The following GNAL variants were observed in gnomAD, a reference collection of about 807,000 sequenced individuals.
GNAL encodes G protein subunit alpha L.
Under a neutral mutation model 55.1 loss-of-function variants are expected in GNAL, and 18 were observed. The ratio of observed to expected loss-of-function variants is 0.33; its 90% CI spans 0.23 to 0.48. GNAL has a LOEUF of 0.48. Among genes scored for constraint, GNAL ranks in the 20% least tolerant of loss-of-function variants. GNAL has a pLI of 0.99. For synonymous variants in GNAL, 253 were observed against 237.0 expected, an observed-to-expected ratio of 1.07 and a Z score of -0.62; for missense variants, 412 against 614.1, an observed-to-expected ratio of 0.67 and a Z score of 3.48.
intron 4 of GNAL, among the ~76,000 whole-genome samples, chr18:11,768,800 A>G (rs1301138646): frequency 2.0e-5 from 3 of 147,694 alleles, no homozygotes; most frequent in African/African-American, 7.5e-5. Context: ...AGGCTGAGGC[A>G]GGAGAATGGT....
chr18:11,716,200 G>A (rs374500336), intron 1 of GNAL, among the ~76,000 whole-genome samples: 2 of 152,302 alleles, frequency 1.3e-5, no homozygotes, highest in South Asian at 2.1e-4. Flanking sequence ...GAATTGGTGG[G>A]TTCTTGGTCT....
At chr18:11,753,579 A>G in intron 2 of GNAL, 49 bp from the exon 3 acceptor site, 1 of 1,133,488 alleles carries the variant, frequency 8.8e-7, no homozygotes, top group Non-Finnish European at 1.3e-6. Flanking sequence ...ATTGATTGGA[A>G]TCAGTGCTAA....
At chr18:11,809,343 G>A (rs1390066894) in intron 4 of GNAL, among the ~76,000 whole-genome samples, 2 of 152,050 alleles carry the variant, frequency 1.3e-5, no homozygotes, top group Non-Finnish European at 2.9e-5. Flanking sequence ...GCTTTTCTTG[G>A]TGATAAAAAT....
intron 4 of GNAL, 146 bp downstream of exon 4, chr18:11,754,091 T>C (rs1158870300): frequency 1.9e-5 from 13 of 674,536 alleles, no homozygotes; most frequent in Middle Eastern, 3.0e-4. Context: ...GGAATACTTA[T>C]TCTGTACCAA....
In GNAL at chr18:11,845,221, C is replaced by T. The variant is rs150594691; in HGVS notation, c.723-17174C>T. On this transcript the variant is annotated intron_variant, in intron 5 of 11. Coordinates refer to ENST00000334049, the MANE Select transcript of GNAL (RefSeq NM_182978.4). ...ATGTTCAGGTTAAACATAAAAATTA[C>T]GTAAGAACAACTGGCTTCCATATTC... Among the ~76,000 whole-genome samples the T allele has an allele frequency of 3.5e-3, 527 of 152,262 alleles. 5 individuals are homozygous for T. Among genetic ancestry groups the T allele is most frequent in the African/African-American group, 0.012 (492 of 41,544 alleles).
chr18:11,872,347 A>C lies in GNAL; in HGVS notation c.1111A>C (p.Lys371Gln). 6.4e-7 allele frequency: 1 copy of C among 1,569,808 alleles called. No homozygotes were observed. Reference sequence around the variant, plus strand: ...AGAAAAAGTCTTGGCAGGGAAATCAAAAATTGAAGACTATTTCCCAGAATA... The same window carrying C: ...AGAAAAAGTCTTGGCAGGGAAATCACAAATTGAAGACTATTTCCCAGAATA... ...LAEKVLAGKS[K>Q]IEDYFPEYAN... Residue 371 changes from lysine to glutamine, a missense_variant, in exon 10 of 12, where the codon AAA (lysine) becomes CAA (glutamine). Coordinates refer to ENST00000334049, the MANE Select transcript of GNAL (RefSeq NM_182978.4).
chr18:11,817,420 C>T (rs2034983398), intron 4 of GNAL, among the ~76,000 whole-genome samples: 1 of 152,178 alleles, frequency 6.6e-6, no homozygotes. Context: ...AGACCTTATA[C>T]CTAGGCTCTC....
chr18:11,763,050 T>C (rs1479705256), intron 4 of GNAL, among the ~76,000 whole-genome samples: 3 of 152,256 alleles, frequency 2.0e-5, no homozygotes, highest in Non-Finnish European at 4.4e-5. Flanking sequence ...TCAATAAAGA[T>C]ACTTTTCTTA....
In GNAL at chr18:11,753,865, C is replaced by G; in HGVS notation, c.544C>G (p.Pro182Ala). The part of the protein sequence containing the change: ...SAMSTIIPPV[P>A]LANPENQFRS... The stretch of plus-strand genomic sequence containing the variant: ...AATGAGTACTATAATACCTCCAGTT[C>G]CGCTGGCCAACCCTGAAAACCAATT... The change falls in exon 4 of 12, where the codon CCG becomes GCG. Residue 182 changes from proline (P) to alanine (A), a missense_variant. Physicochemically the swap from Pro to Ala is conservative, Grantham distance 27 (BLOSUM62 -1). Coordinates refer to ENST00000334049, the MANE Select transcript of GNAL (RefSeq NM_182978.4). 6.2e-7 allele frequency: 1 copy of G among 1,608,834 alleles called. No homozygotes were observed. Among genetic ancestry groups the G allele is most frequent in the Non-Finnish European group, 8.5e-7 (1 of 1,175,218 alleles).
chr18:11,734,433 G>A lies in GNAL; in HGVS notation c.377-18420G>A, dbSNP rs113462548. ...TGGGATTACAGGCGTGACCCACCGCGCCGGGTGTAGATTTTCTTTACAGGA... is the reference window on the plus strand; with the variant it reads ...TGGGATTACAGGCGTGACCCACCGCACCGGGTGTAGATTTTCTTTACAGGA... On this transcript the variant is annotated intron_variant, in intron 1 of 11. Transcript: ENST00000334049. Among the ~76,000 whole-genome samples the A allele has an allele frequency of 4.6e-5, 7 of 152,090 alleles. 1 individual carries two copies. The highest frequency in any genetic ancestry group is 1.7e-4 in the African/African-American group (7 of 41,488).
Position 11,788,903 on chromosome 18 carries a change from A to AT in GNAL, c.624+34958_624+34959insT, listed in dbSNP as rs1222772064. Reference sequence around the variant, plus strand: ...CAGAGCAAGACTCCGTCTCGAAAAAAAAAAAAAAAAAATATATATATATAT... The same window carrying AT: ...CAGAGCAAGACTCCGTCTCGAAAAAATAAAAAAAAAAAATATATATATATAT... On this transcript the variant is annotated intron_variant, in intron 4 of 11. Coordinates refer to ENST00000334049, the MANE Select transcript of GNAL (RefSeq NM_182978.4). Among the ~76,000 whole-genome samples, 13 of 88,852 alleles carry AT rather than the reference A, an allele frequency of 1.5e-4. 1 individual carries two copies. Among genetic ancestry groups the AT allele is most frequent in the South Asian group, 4.3e-4 (1 of 2,300 alleles). The allele number at this position is 88,852 out of a possible 152,430, so 58.3% of individuals were successfully genotyped here. A position where few individuals can be genotyped will look rare whatever the true frequency, so the allele number is the denominator to read the frequency against.
intron 1 of GNAL, among the ~76,000 whole-genome samples, chr18:11,726,243 T>G (rs1398002456): frequency 6.6e-6 from 1 of 152,236 alleles, no homozygotes; most frequent in Non-Finnish European, 1.5e-5. Context: ...ACATTCCTTT[T>G]CTGACTAAAT....
intron 1 of GNAL, among the ~76,000 whole-genome samples, chr18:11,711,512 T>C (rs1275250272): frequency 6.6e-6 from 1 of 152,226 alleles, no homozygotes; most frequent in African/African-American, 2.4e-5. Context: ...GTAGTGATTA[T>C]TTTCAGTTCA....
At chr18:11,692,934 A>C (rs2031299294) in intron 1 of GNAL, among the ~76,000 whole-genome samples, 1 of 152,160 alleles carries the variant, frequency 6.6e-6, no homozygotes, top group Non-Finnish European at 1.5e-5. Context: ...GGCATGAGCC[A>C]CCATGCTCTA....
At chr18:11,869,337 G>C (rs2036340157) in intron 9 of GNAL, among the ~76,000 whole-genome samples, 1 of 151,924 alleles carries the variant, frequency 6.6e-6, no homozygotes, top group African/African-American at 2.4e-5. Context: ...TAGAGACCGG[G>C]TTTCACCATG....
chr18:11,869,770 ATGGTGGGGCGCGCT>A (rs2143875273), intron 9 of GNAL, among the ~76,000 whole-genome samples: 1 of 151,994 alleles, frequency 6.6e-6, no homozygotes, highest in Admixed American at 6.6e-5. Flanking sequence ...AAAATTAGGC[ATGGTGGGGCGCGCT>A]TGTAGTCCCA....
chr18:11,730,072 C>T (rs1212105709), intron 1 of GNAL, among the ~76,000 whole-genome samples: 4 of 150,290 alleles, frequency 2.7e-5, no homozygotes, highest in Non-Finnish European at 5.9e-5. Context: ...CTCGCTCTTT[C>T]GCCCAGGCCG....
chr18:11,859,209 T>G (rs1450207656), intron 5 of GNAL, among the ~76,000 whole-genome samples: 4 of 152,180 alleles, frequency 2.6e-5, no homozygotes, highest in African/African-American at 9.7e-5. Context: ...CTCTGGACCC[T>G]GTCAAAAGTT....
chr18:11,848,489 C>T (rs1191940991), intron 5 of GNAL, among the ~76,000 whole-genome samples: 2 of 147,928 alleles, frequency 1.4e-5, no homozygotes, highest in Non-Finnish European at 3.0e-5. Flanking sequence ...AGGAGTCTCT[C>T]TCTGTCACCC....
Sources: allele counts gnomAD v4.1 joint callset (sites outside exome capture counted in the v4.1 genomes callset), GRCh38; gene constraint gnomAD v4.1.1; transcripts MANE v1.5; gene names NCBI Gene and HGNC (gene_info 2026-07-23, HGNC 2026-07-21).